Variants in FBXO10 observed in about 807,000 individuals in gnomAD.
FBXO10 encodes the protein F-box protein 10, also known as F-box only protein 10.
In FBXO10, 39 loss-of-function variants were observed where a neutral mutation model predicts 80.7. The observed-to-expected ratio is 0.48, with a 90% CI of 0.37 to 0.63. The LOEUF (loss-of-function observed/expected upper bound fraction) is 0.63. FBXO10 is among the 30% of genes least tolerant of loss of function. The pLI is 0.00. For missense variants in FBXO10, 1,025 were observed against 1,269.0 expected, an observed-to-expected ratio of 0.81 and a Z score of 2.92; for synonymous variants, 449 against 489.6, an observed-to-expected ratio of 0.92 and a Z score of 1.09.
intron 1 of FBXO10, among the ~76,000 whole-genome samples, chr9:37,560,175 A>T (rs1442871532): frequency 2.0e-5 from 3 of 152,148 alleles, no homozygotes; most frequent in Non-Finnish European, 4.4e-5. Flanking sequence ...TTTTAAGGAG[A>T]TCCATCCAGG....
chr9:37,520,204 A>T (rs906009354), intron 8 of FBXO10, among the ~76,000 whole-genome samples: 1 of 16,080 alleles, frequency 6.2e-5, no homozygotes, highest in Admixed American at 7.9e-4. Flanking sequence ...TCCCACCCCC[A>T]CCCCACAGTG....
At chr9:37,540,464 A>G (rs558911176) in intron 2 of FBXO10, among the ~76,000 whole-genome samples, 1 of 152,134 alleles carries the variant, frequency 6.6e-6, no homozygotes, top group Non-Finnish European at 1.5e-5. Context: ...GGTGTGAGCC[A>G]CTGCACCTGG....
chr9:37,535,208 A>T (rs993978907), intron 3 of FBXO10, among the ~76,000 whole-genome samples: 6 of 152,182 alleles, frequency 3.9e-5, no homozygotes, highest in Non-Finnish European at 8.8e-5. Flanking sequence ...ACCTCCTAAG[A>T]GCCAGGCAAA....
At chr9:37,554,564 C>T (rs1382031844) in intron 1 of FBXO10, among the ~76,000 whole-genome samples, 1 of 152,160 alleles carries the variant, frequency 6.6e-6, no homozygotes, top group Non-Finnish European at 1.5e-5. Flanking sequence ...CATCAAGTTC[C>T]ACCCCCGACC....
At chr9:37,548,384 CAAAAAAT>C (rs907257088) in intron 1 of FBXO10, among the ~76,000 whole-genome samples, 12 of 152,002 alleles carry the variant, frequency 7.9e-5, no homozygotes, top group Admixed American at 2.0e-4. Context: ...GACTCCATCT[CAAAAAAT>C]AAAAAATAAA....
At chr9:37,562,569 C>T (rs149291688) in intron 1 of FBXO10, among the ~76,000 whole-genome samples, 98 of 152,292 alleles carry the variant, frequency 6.4e-4, no homozygotes, top group African/African-American at 2.3e-3. Flanking sequence ...TCCTGAAGGG[C>T]AGAAACTTTG....
At chr9:37,535,104 C>A (rs989658769) in intron 3 of FBXO10, among the ~76,000 whole-genome samples, 3 of 152,126 alleles carry the variant, frequency 2.0e-5, no homozygotes, top group South Asian at 4.1e-4. Flanking sequence ...AAAACTAGCA[C>A]GAGGTAATGC....
chr9:37,519,903 G>A (rs180821529), intron 8 of FBXO10, among the ~76,000 whole-genome samples: 8 of 136,568 alleles, frequency 5.9e-5, no homozygotes, highest in Admixed American at 1.5e-4. Flanking sequence ...CTGCAACCTC[G>A]AACTCTGAGT....
chr9:37,575,135 T>G (rs1157356824), intron 1 of FBXO10, among the ~76,000 whole-genome samples: 1 of 151,744 alleles, frequency 6.6e-6, no homozygotes, highest in African/African-American at 2.4e-5. Context: ...CGTACTGTGT[T>G]TTTTTTTTCG....
At chr9:37,560,452 C>T (rs1306709066) in intron 1 of FBXO10, among the ~76,000 whole-genome samples, 1 of 152,106 alleles carries the variant, frequency 6.6e-6, no homozygotes, top group Non-Finnish European at 1.5e-5. Context: ...TTCCCCCAAA[C>T]TTGCCTGTGT....
At chr9:37,535,209 G>A (rs1422583720) in intron 3 of FBXO10, among the ~76,000 whole-genome samples, 1 of 152,114 alleles carries the variant, frequency 6.6e-6, no homozygotes, top group Non-Finnish European at 1.5e-5. Context: ...CCTCCTAAGA[G>A]CCAGGCAAAA....
At chr9:37,564,389 C>T (rs1239288217) in intron 1 of FBXO10, among the ~76,000 whole-genome samples, 1 of 152,158 alleles carries the variant, frequency 6.6e-6, no homozygotes, top group Non-Finnish European at 1.5e-5. Flanking sequence ...CACGGGGGCA[C>T]TGCCCAGTGG....
At chr9:37,552,765 G>A (rs1822234140) in intron 1 of FBXO10, among the ~76,000 whole-genome samples, 1 of 151,964 alleles carries the variant, frequency 6.6e-6, no homozygotes, top group South Asian at 2.1e-4. Context: ...CAAGATCAAG[G>A]TGCTGGCACC....
At chr9:37,571,142 G>A (rs1822744181) in intron 1 of FBXO10, among the ~76,000 whole-genome samples, 1 of 152,076 alleles carries the variant, frequency 6.6e-6, no homozygotes, top group Non-Finnish European at 1.5e-5. Flanking sequence ...AAATAAGATT[G>A]CAAAGAAAAC....
intron 7 of FBXO10, chr9:37,522,526 C>G: frequency 7.0e-6 from 8 of 1,141,716 alleles, no homozygotes; most frequent in Non-Finnish European, 8.6e-6. Flanking sequence ...GTTAGATGCA[C>G]ATGAGCCAGG....
intron 1 of FBXO10, among the ~76,000 whole-genome samples, chr9:37,569,395 C>CAAAAAAAAAAAA (rs35292200): frequency 8.1e-6 from 1 of 123,108 alleles, no homozygotes; most frequent in Non-Finnish European, 1.6e-5. Context: ...AGATATAAAG[C>CAAAAAAAAAAAA]AAAAAAAAAA....
chr9:37,546,953 T>C (rs1822072205), intron 1 of FBXO10, among the ~76,000 whole-genome samples: 1 of 152,184 alleles, frequency 6.6e-6, no homozygotes, highest in Non-Finnish European at 1.5e-5. Context: ...AGTGCTGGGA[T>C]TACAGGCATG....
rs1437332506 is a variant in FBXO10 at position 37,537,810 on chromosome 9, A to C, written c.719T>G (p.Leu240Arg). The C allele has an allele frequency of 2.5e-6, 4 of 1,613,870 alleles. No homozygotes were observed. The highest frequency in any genetic ancestry group is 3.4e-6 in the Non-Finnish European group (4 of 1,179,902). ...NTHIFLHNVPLCVLENCEFVG... is the reference protein window; with the variant it reads ...NTHIFLHNVPRCVLENCEFVG... ...AAATTCACAGTTTTCCAGGACACAC[A>C]GGGGCACGTTGTGCAGGAAGATATG... Residue 240 changes from leucine to arginine, a missense_variant, in exon 3 of 11, where the codon CTG (leucine) becomes CGG (arginine). By Grantham distance (102) the Leu-to-Arg change is moderately radical (BLOSUM62 -2). Coordinates refer to ENST00000432825, the MANE Select transcript of FBXO10 (RefSeq NM_012166.3).
At chr9:37,522,082 G>A (rs1226280709) in intron 7 of FBXO10, among the ~76,000 whole-genome samples, 7 of 152,212 alleles carry the variant, frequency 4.6e-5, no homozygotes, top group Admixed American at 4.6e-4. Flanking sequence ...TCTGAGGACT[G>A]TCAGGCCACA....
Sources: allele counts gnomAD v4.1 joint callset (sites outside exome capture counted in the v4.1 genomes callset), GRCh38; gene constraint gnomAD v4.1.1; transcripts MANE v1.5; gene names NCBI Gene and HGNC (gene_info 2026-07-23, HGNC 2026-07-21).